IGBP1C: variants seen among roughly 807,000 people sequenced by gnomAD.
IGBP1C encodes immunoglobulin-binding protein 1 family member C.
chr17:58,681,825 A>G, the IGBP1C span, among the ~76,000 whole-genome samples: 2 of 152,126 alleles, frequency 1.3e-5, no homozygotes, highest in African/African-American at 4.8e-5. Flanking sequence ...CCTGGGTGAC[A>G]GCAGGAAACT....
At chr17:58,687,485 C>T in the IGBP1C span, among the ~76,000 whole-genome samples, 2 of 152,014 alleles carry the variant, frequency 1.3e-5, no homozygotes, top group Admixed American at 1.3e-4. Flanking sequence ...ATCGGGTGCT[C>T]TACCCACACC....
At chr17:58,663,816 C>T in the IGBP1C span, among the ~76,000 whole-genome samples, 1 of 152,184 alleles carries the variant, frequency 6.6e-6, no homozygotes, top group Non-Finnish European at 1.5e-5. Context: ...CAAATCCATT[C>T]ACTCCTGAAA....
chr17:58,683,500 C>T, the IGBP1C span, among the ~76,000 whole-genome samples: 2 of 151,926 alleles, frequency 1.3e-5, no homozygotes, highest in Admixed American at 6.6e-5. Context: ...CGGTGGTTTA[C>T]GCCTGTAATC....
chr17:58,689,736 G>A, the IGBP1C span, among the ~76,000 whole-genome samples: 7 of 151,882 alleles, frequency 4.6e-5, no homozygotes, highest in African/African-American at 9.7e-5. Context: ...TTCCTAGTGC[G>A]TGGTTTCAAA....
the IGBP1C span, among the ~76,000 whole-genome samples, chr17:58,662,413 TCTCACACACACA>T: frequency 4.8e-3 from 619 of 127,736 alleles, 1 homozygote; most frequent in Non-Finnish European, 8.3e-3. Flanking sequence ...AGCACACATA[TCTCACACACACA>T]CACACACACA....
At chr17:58,677,190 G>T in the IGBP1C span, among the ~76,000 whole-genome samples, 1 of 152,040 alleles carries the variant, frequency 6.6e-6, no homozygotes. Flanking sequence ...GGAAGGCTGA[G>T]GCAGAAGGAC....
the IGBP1C span, chr17:58,677,822 C>G: frequency 6.6e-6 from 1 of 152,202 alleles, no homozygotes; most frequent in Non-Finnish European, 1.5e-5. Context: ...AAGTTCTAGC[C>G]TGCTACTTAC....
the IGBP1C span, among the ~76,000 whole-genome samples, chr17:58,676,772 G>A: frequency 6.6e-6 from 1 of 151,986 alleles, no homozygotes; most frequent in Non-Finnish European, 1.5e-5. Context: ...GATCACTTGA[G>A]GCCAAGAGTT....
At chr17:58,690,071 G>C in the IGBP1C span, among the ~76,000 whole-genome samples, 1 of 151,872 alleles carries the variant, frequency 6.6e-6, no homozygotes, top group African/African-American at 2.4e-5. Flanking sequence ...GGATGGTCTC[G>C]ATCTCCTGAC....
At chr17:58,683,052 C>CAAAAAAAA in the IGBP1C span, among the ~76,000 whole-genome samples, 2 of 54,000 alleles carry the variant, frequency 3.7e-5, no homozygotes, top group African/African-American at 1.4e-4. Context: ...GAGTCTGTCT[C>CAAAAAAAA]AAAAAAAAAA....
the IGBP1C span, among the ~76,000 whole-genome samples, chr17:58,689,514 C>T: frequency 6.6e-6 from 1 of 152,220 alleles, no homozygotes; most frequent in African/African-American, 2.4e-5. Context: ...CCACCGTGCC[C>T]GGCCTACCCC....
At chr17:58,673,630 C>A in the IGBP1C span, among the ~76,000 whole-genome samples, 1 of 152,084 alleles carries the variant, frequency 6.6e-6, no homozygotes, top group South Asian at 2.1e-4. Flanking sequence ...CACGCAATTT[C>A]AGCTCACTGC....
chr17:58,666,095 G>A, the IGBP1C span, among the ~76,000 whole-genome samples: 1 of 151,040 alleles, frequency 6.6e-6, no homozygotes, highest in East Asian at 2.0e-4. Context: ...TGTAATTCCA[G>A]CATTTTAGGA....
the IGBP1C span, among the ~76,000 whole-genome samples, chr17:58,684,545 G>A: frequency 6.6e-6 from 1 of 151,446 alleles, no homozygotes; most frequent in Admixed American, 6.6e-5. Flanking sequence ...TGAGGCAGGA[G>A]AATCACTTGA....
the IGBP1C span, among the ~76,000 whole-genome samples, chr17:58,670,338 T>C: frequency 6.6e-6 from 1 of 151,840 alleles, no homozygotes. Context: ...TCCATCTATC[T>C]ATAGGATGTG....
chr17:58,660,502 A>T, the IGBP1C span: 3 of 705,282 alleles, frequency 4.3e-6, no homozygotes, highest in Non-Finnish European at 7.8e-6. Flanking sequence ...AGGGGAGCTC[A>T]GGGAGGGGAA....
chr17:58,660,634 C>A, the IGBP1C span: 2 of 790,708 alleles, frequency 2.5e-6, no homozygotes, highest in Admixed American at 1.7e-5. Context: ...TCCAGTCATC[C>A]CACTCTCGAG....
the IGBP1C span, among the ~76,000 whole-genome samples, chr17:58,680,222 C>T: frequency 1.3e-5 from 2 of 151,982 alleles, no homozygotes; most frequent in East Asian, 3.9e-4. Flanking sequence ...GGCTTTCTTG[C>T]GCAGTTAAAC....
the IGBP1C span, among the ~76,000 whole-genome samples, chr17:58,663,341 G>C: frequency 2.7e-5 from 4 of 147,960 alleles, no homozygotes; most frequent in Non-Finnish European, 5.9e-5. Flanking sequence ...AGAATTGCTT[G>C]AACGTGGGAG....
Sources: gnomAD v4.1 joint callset for allele counts (sites outside exome capture counted in the v4.1 genomes callset) on GRCh38, gnomAD v4.1.1 for gene constraint, MANE v1.5 for transcripts, NCBI Gene and HGNC (gene_info 2026-07-23, HGNC 2026-07-21) for gene names.